Variants in HLA-DQA1 observed in about 807,000 individuals in gnomAD.
The protein encoded by HLA-DQA1 is major histocompatibility complex, class II, DQ alpha 1.
A neutral mutation model predicts 20.7 loss-of-function variants in HLA-DQA1; 10 were observed. The observed-to-expected ratio is 0.48, with a 90% CI of 0.30 to 0.82. The LOEUF is 0.82. HLA-DQA1 is among the 40% of genes least tolerant of loss of function. The probability of loss-of-function intolerance (pLI) is 0.07; values close to 1 mark genes in which losing one functional copy is unlikely to be tolerated. For synonymous variants in HLA-DQA1, 39 were observed against 109.2 expected, an observed-to-expected ratio of 0.36 and a Z score of 4.01; for missense variants, 127 against 293.0, an observed-to-expected ratio of 0.43 and a Z score of 4.14.
At chr6:32,638,249 C>A (rs1401309966) in intron 1 of HLA-DQA1, among the ~76,000 whole-genome samples, 3 of 113,494 alleles carry the variant, frequency 2.6e-5, no homozygotes, top group Non-Finnish European at 3.9e-5. Flanking sequence ...CATTTCTTTT[C>A]TTTAGCAAAA....
At chr6:32,654,373 G>A in the HLA-DQA1 span, among the ~76,000 whole-genome samples, 15,894 of 118,824 alleles carry the variant, frequency 0.13, 1,939 homozygotes, top group Admixed American at 0.15. Context: ...TGGTGACTAC[G>A]GTTAATAATA....
chr6:32,640,823 A>AGAAAG (rs1561943139), intron 1 of HLA-DQA1, among the ~76,000 whole-genome samples: 1 of 111,760 alleles, frequency 8.9e-6, no homozygotes, highest in Non-Finnish European at 1.9e-5. Context: ...AAAAAAAAAA[A>AGAAAG]AAAGAAAGAT....
chr6:32,647,332 G>C (rs28453802), downstream of HLA-DQA1, among the ~76,000 whole-genome samples: 2 of 95,298 alleles, frequency 2.1e-5, 1 homozygote, highest in African/African-American at 7.2e-5. Flanking sequence ...AGCTGGGCGT[G>C]GTGGTGGGCA....
chr6:32,637,660 C>G (rs7751376), intron 1 of HLA-DQA1, 120 bp downstream of exon 1: 39,706 of 387,030 alleles, frequency 0.1, 7,767 homozygotes, highest in Admixed American at 0.26. Context: ...AGTATTAAGA[C>G]AATTAAAAAT....
In HLA-DQA1 at chr6:32,637,810, T is replaced by C. The variant is rs1218627931; in HGVS notation, c.82+270T>C. On this transcript the variant is annotated intron_variant, in intron 1 of 4. Coordinates refer to ENST00000343139, the MANE Select transcript of HLA-DQA1 (RefSeq NM_002122.5). Reference sequence around the variant, plus strand: ...TGGAGGTCTCTATGTCGTTCCATCATGATTGCCTCAAAAATTAGTGAGGTT... The same window carrying C: ...TGGAGGTCTCTATGTCGTTCCATCACGATTGCCTCAAAAATTAGTGAGGTT... Among the ~76,000 whole-genome samples the C allele has an allele frequency of 4.2e-5, 5 of 118,546 alleles. 1 individual carries two copies. The highest frequency in any genetic ancestry group is 9.2e-5 in the Non-Finnish European group (5 of 54,542). The allele number at this position is 118,546 out of a possible 152,430, so 77.8% of individuals were successfully genotyped here. A position where few individuals can be genotyped will look rare whatever the true frequency, so the allele number is the denominator to read the frequency against.
the HLA-DQA1 span, among the ~76,000 whole-genome samples, chr6:32,652,626 T>C: frequency 6.7e-6 from 1 of 149,692 alleles, no homozygotes; most frequent in Non-Finnish European, 1.5e-5. Flanking sequence ...TGCTTAGTGT[T>C]ACAGCAGAAT....
downstream of HLA-DQA1, among the ~76,000 whole-genome samples, chr6:32,647,320 T>A (rs1252205100): frequency 3.1e-5 from 3 of 96,496 alleles, 1 homozygote; most frequent in African/African-American, 1.1e-4. Flanking sequence ...ATATAAAAAA[T>A]TAGCTGGGCG....
chr6:32,638,299 A>C (rs9272493), intron 1 of HLA-DQA1, among the ~76,000 whole-genome samples: 2,048 of 103,620 alleles, frequency 0.02, 37 homozygotes, highest in Middle Eastern at 0.037. Context: ...AGTAGAAAAA[A>C]TTGGTAAAAT....
downstream of HLA-DQA1, among the ~76,000 whole-genome samples, chr6:32,647,976 T>C (rs114400689): frequency 6.6e-6 from 1 of 151,264 alleles, no homozygotes; most frequent in Admixed American, 6.6e-5. Flanking sequence ...TCCACAAACA[T>C]GTAATTACAA....
intron 3 of HLA-DQA1, 61 bp from the exon 4 acceptor site, chr6:32,642,549 T>C: frequency 7.6e-7 from 1 of 1,323,590 alleles, no homozygotes; most frequent in Non-Finnish European, 1.1e-6. Context: ...CCCCATCCCA[T>C]CCCACACACA....
chr6:32,652,803 G>A, the HLA-DQA1 span, among the ~76,000 whole-genome samples: 36 of 145,122 alleles, frequency 2.5e-4, no homozygotes, highest in East Asian at 7.2e-3. Context: ...AAGTCACAAA[G>A]ATCACTACAT....
Position 32,643,442 on chromosome 6 carries a change from A to C in HLA-DQA1, c.*511A>C. On this transcript the variant is annotated 3_prime_UTR_variant, in exon 5 of 5. Coordinates refer to ENST00000343139, the MANE Select transcript of HLA-DQA1 (RefSeq NM_002122.5). Reference sequence around the variant, plus strand: ...ATATGTTGATTTCTTAGCTGACATTAATATTTCTTGCTTCCTTGTGTTCCC... The same window carrying C: ...ATATGTTGATTTCTTAGCTGACATTCATATTTCTTGCTTCCTTGTGTTCCC... 4.4e-6 allele frequency: 1 copy of C among 225,494 alleles called. No homozygotes were observed. Among genetic ancestry groups the C allele is most frequent in the Non-Finnish European group, 9.0e-6 (1 of 111,196 alleles). The allele number at this position is 225,494 out of a possible 1,614,324, so 14.0% of individuals were successfully genotyped here.
intron 1 of HLA-DQA1, 63 bp from the exon 2 acceptor site, chr6:32,641,247 T>A: frequency 1.9e-6 from 2 of 1,044,324 alleles, no homozygotes; most frequent in Non-Finnish European, 2.8e-6. Flanking sequence ...TCCATCATTT[T>A]GTGTATTAAG....
At chr6:32,655,267 A>ATTGTTTTAC in the HLA-DQA1 span, among the ~76,000 whole-genome samples, 1 of 95,316 alleles carries the variant, frequency 1.0e-5, no homozygotes, top group Non-Finnish European at 2.4e-5. Flanking sequence ...CTGTTTTTTA[A>ATTGTTTTAC]AATCACCTCT....
intron 1 of HLA-DQA1, 44 bp from the exon 2 acceptor site, chr6:32,641,266 T>A: frequency 8.5e-7 from 1 of 1,181,390 alleles, no homozygotes; most frequent in Non-Finnish European, 1.2e-6. Context: ...AGGTTCTTTC[T>A]TCCCCTGTTC....
At chr6:32,648,500 C>A (rs1782073677), downstream of HLA-DQA1, among the ~76,000 whole-genome samples, 1 of 97,244 alleles carries the variant, frequency 1.0e-5, no homozygotes, top group Non-Finnish European at 2.3e-5. Context: ...TAAATGTAAT[C>A]CACCACATAA....
chr6:32,649,166 G>A (rs1782089447), downstream of HLA-DQA1, among the ~76,000 whole-genome samples: 1 of 96,146 alleles, frequency 1.0e-5, no homozygotes, highest in Non-Finnish European at 2.3e-5. Context: ...TTCAATGCTC[G>A]TGGATAGGAA....
downstream of HLA-DQA1, among the ~76,000 whole-genome samples, chr6:32,651,270 T>TAGTTTTATTAGAAGTTGA (rs1782172662): frequency 3.3e-5 from 3 of 91,262 alleles, no homozygotes; most frequent in Non-Finnish European, 7.2e-5. Context: ...AAAAATGTAA[T>TAGTTTTATTAGAAGTTGA]CAAGAAAATC....
chr6:32,642,831 G>A lies in HLA-DQA1; in HGVS notation c.*20+47G>A, dbSNP rs535488504. On this transcript the variant is annotated intron_variant, in intron 4 of 4. Transcript: ENST00000343139. Reference sequence around the variant, plus strand: ...GTTGAAGCGGCAGTATGAAAGGAAGGAAAGTGGGAGGGCGTTGTGGACATG... The same window carrying A: ...GTTGAAGCGGCAGTATGAAAGGAAGAAAAGTGGGAGGGCGTTGTGGACATG... 38 of 1,018,638 alleles carry A rather than the reference G, an allele frequency of 3.7e-5. 14 individuals are homozygous for A. In the South Asian group the frequency reaches 5.2e-4, roughly 14 times the overall value. The allele number at this position is 1,018,638 out of a possible 1,614,324, so 63.1% of individuals were successfully genotyped here.
Sources: allele counts gnomAD v4.1 joint callset (sites outside exome capture counted in the v4.1 genomes callset), GRCh38; gene constraint gnomAD v4.1.1; transcripts MANE v1.5; gene names NCBI Gene and HGNC (gene_info 2026-07-23, HGNC 2026-07-21).